ATE1: variants seen among roughly 807,000 people sequenced by gnomAD.
ATE1 encodes the protein arginyltransferase 1.
Under a neutral mutation model 70.5 loss-of-function variants are expected in ATE1, and 36 were observed. The ratio of observed to expected loss-of-function variants is 0.51; its 90% CI spans 0.39 to 0.67. The LOEUF (loss-of-function observed/expected upper bound fraction) is 0.67, where lower values mean the gene tolerates loss of function less well. ATE1 is among the 30% of genes least tolerant of loss of function. ATE1 has a pLI of 0.00. For missense variants in ATE1, 593 were observed against 629.5 expected (o/e 0.94, Z 0.62); for synonymous variants, 232 against 219.3 (o/e 1.06, Z -0.51).
chr10:121,850,747 T>C (rs1270926437), intron 8 of ATE1, among the ~76,000 whole-genome samples: 1 of 152,204 alleles, frequency 6.6e-6, no homozygotes, highest in Non-Finnish European at 1.5e-5. Context: ...CTAACTCCAC[T>C]GTACACTTTT....
At chr10:121,812,853 T>C (rs1330066778) in intron 10 of ATE1, among the ~76,000 whole-genome samples, 1 of 152,180 alleles carries the variant, frequency 6.6e-6, no homozygotes, top group African/African-American at 2.4e-5. Context: ...TGATTAGCTA[T>C]CTAACAAAAA....
At chr10:121,758,690 A>G (rs529657673) in intron 11 of ATE1, among the ~76,000 whole-genome samples, 29 of 152,282 alleles carry the variant, frequency 1.9e-4, no homozygotes, top group Admixed American at 3.9e-4. Context: ...GCAACCCTGC[A>G]TTGAGAATAG....
At chr10:121,922,464 A>G (rs986780732) in intron 2 of ATE1, 53 bp from the exon 3 acceptor site, 10 of 1,092,648 alleles carry the variant, frequency 9.2e-6, no homozygotes, top group Non-Finnish European at 1.4e-5. Flanking sequence ...CACTTGCACC[A>G]AAACAGCCTA....
Position 121,832,376 on chromosome 10 carries a change from G to T in ATE1, c.1257+4342C>A, listed in dbSNP as rs140671975. Among the ~76,000 whole-genome samples, 125 of 152,284 alleles carry T rather than the reference G, an allele frequency of 8.2e-4. 1 individual carries two copies. Among genetic ancestry groups the T allele is most frequent in the African/African-American group, 2.9e-3 (122 of 41,566 alleles). On this transcript the variant is annotated intron_variant, in intron 10 of 11. Transcript: ENST00000224652. ...CACAATATAAGATTTGTTACTTAAA[G>T]GTTCCCTACGTTGTAGCACTATCCC...
chr10:121,748,337 C>T (rs572746799), intron 11 of ATE1, among the ~76,000 whole-genome samples: 2 of 152,178 alleles, frequency 1.3e-5, no homozygotes, highest in South Asian at 4.2e-4. Flanking sequence ...AAAACCCTAC[C>T]ATTATGTATA....
At chr10:121,911,199 C>G in intron 4 of ATE1, 48 bp from the exon 5 acceptor site, 2 of 1,581,850 alleles carry the variant, frequency 1.3e-6, no homozygotes, top group Non-Finnish European at 1.7e-6. Flanking sequence ...TTATTTGATA[C>G]AGTTAGGTAA....
intron 10 of ATE1, among the ~76,000 whole-genome samples, chr10:121,827,771 A>C (rs974136180): frequency 6.6e-6 from 1 of 152,252 alleles, no homozygotes; most frequent in Admixed American, 6.5e-5. Context: ...TGGACAAAAA[A>C]TATCTATGTA....
At chr10:121,855,179 T>C (rs1378128964) in intron 8 of ATE1, among the ~76,000 whole-genome samples, 2 of 152,218 alleles carry the variant, frequency 1.3e-5, no homozygotes, top group African/African-American at 4.8e-5. Context: ...GACAGCTTTT[T>C]TCTTTCACTT....
At chr10:121,855,245 A>G (rs4751859) in intron 8 of ATE1, among the ~76,000 whole-genome samples, 122,871 of 152,142 alleles carry the variant, frequency 0.81, 51,620 homozygotes, top group Middle Eastern at 0.94. Context: ...TTTCTTGGTC[A>G]TGAGACAAAT....
intron 10 of ATE1, among the ~76,000 whole-genome samples, chr10:121,827,297 C>A (rs113587313): frequency 0.033 from 4,954 of 152,270 alleles, 149 homozygotes; most frequent in African/African-American, 0.082. Flanking sequence ...CAGGCATGAG[C>A]CACTGTGCCC....
intron 7 of ATE1, among the ~76,000 whole-genome samples, chr10:121,870,479 G>C (rs1451578037): frequency 7.1e-6 from 1 of 141,154 alleles, no homozygotes; most frequent in African/African-American, 2.4e-5. Flanking sequence ...AAAGACCAGG[G>C]GAGAGGAAAG....
rs548673018 is a variant in ATE1 at position 121,743,499 on chromosome 10, T to TA, written c.*180dup. The stretch of plus-strand genomic sequence containing the variant: ...TCATAATGCAGTTTTAAAATCTTTA[T>TA]ATTAACTATGAGATTCTCACAGATA... On this transcript the variant is annotated 3_prime_UTR_variant, in exon 12 of 12. Coordinates refer to ENST00000224652, the MANE Select transcript of ATE1 (RefSeq NM_001001976.3). 4,048 of 1,220,750 alleles carry TA rather than the reference T, an allele frequency of 3.3e-3. 12 individuals carry two copies. Among genetic ancestry groups the TA allele is most frequent in the Non-Finnish European group, 4.0e-3 (3,876 of 959,206 alleles). 75.6% of individuals were successfully genotyped at this position (1,220,750 alleles called of 1,614,324 possible).
At chr10:121,750,230 C>G (rs1336297026) in intron 11 of ATE1, among the ~76,000 whole-genome samples, 1 of 152,158 alleles carries the variant, frequency 6.6e-6, no homozygotes, top group Non-Finnish European at 1.5e-5. Context: ...GCACAACAGG[C>G]ATTTTCTTAG....
chr10:121,766,109 T>C lies in ATE1; in HGVS notation c.1379-22251A>G, dbSNP rs1008826421. Among the ~76,000 whole-genome samples the C allele has an allele frequency of 2.6e-5, 4 of 152,238 alleles. 1 individual carries two copies. The highest frequency in any genetic ancestry group is 5.9e-5 in the Non-Finnish European group (4 of 68,048). On this transcript the variant is annotated intron_variant, in intron 11 of 11. Transcript: ENST00000224652. ...GCCATAATGTCTCTGGAAGTTATTA[T>C]AGTAAGCAGTATTAGAAGGATACAA... is the stretch of plus-strand genomic sequence containing the variant.
chr10:121,803,363 G>T (rs1172822226), intron 10 of ATE1, among the ~76,000 whole-genome samples: 4 of 152,174 alleles, frequency 2.6e-5, no homozygotes, highest in Non-Finnish European at 5.9e-5. Context: ...AAAAGGAGGA[G>T]GGAGGGATAT....
At chr10:121,860,904 C>T (rs895657872) in intron 8 of ATE1, among the ~76,000 whole-genome samples, 1 of 152,122 alleles carries the variant, frequency 6.6e-6, no homozygotes, top group Non-Finnish European at 1.5e-5. Context: ...TACTTAACGT[C>T]GTCAGTTCAA....
intron 10 of ATE1, among the ~76,000 whole-genome samples, chr10:121,812,665 T>C (rs950914537): frequency 2.0e-5 from 3 of 152,192 alleles, no homozygotes; most frequent in East Asian, 1.9e-4. Context: ...AAAAAGAACA[T>C]AGACATTTTC....
At chr10:121,746,651 C>T (rs191195946) in intron 11 of ATE1, among the ~76,000 whole-genome samples, 1 of 152,154 alleles carries the variant, frequency 6.6e-6, no homozygotes, top group African/African-American at 2.4e-5. Flanking sequence ...TTTCACAGTA[C>T]ATTCACTACA....
intron 1 of ATE1, chr10:121,927,376 C>T (rs1190782581): frequency 1.0e-6 from 1 of 984,156 alleles, no homozygotes; most frequent in East Asian, 1.1e-4. Flanking sequence ...GCAAAGGGCT[C>T]ATCCTTCCTG....
Sources: gnomAD v4.1 joint callset for allele counts (sites outside exome capture counted in the v4.1 genomes callset) on GRCh38, gnomAD v4.1.1 for gene constraint, MANE v1.5 for transcripts, NCBI Gene and HGNC (gene_info 2026-07-23, HGNC 2026-07-21) for gene names.